Variants in GABBR2 observed in about 807,000 individuals in gnomAD.
GABBR2 encodes G-protein coupled receptor 51.
A neutral mutation model predicts 105.6 loss-of-function variants in GABBR2; 23 were observed. The observed-to-expected ratio is 0.22, with a 90% CI of 0.16 to 0.31. The LOEUF (loss-of-function observed/expected upper bound fraction) is 0.31, where lower values mean the gene tolerates loss of function less well. Among genes scored for constraint, GABBR2 ranks in the 10% least tolerant of loss-of-function variants. The pLI, the probability that GABBR2 is intolerant of heterozygous loss-of-function variation, is 1.00. For missense variants in GABBR2, 734 were observed against 1,245.5 expected (o/e 0.59, Z 6.18); for synonymous variants, 478 against 499.7 (o/e 0.96, Z 0.58).
At chr9:98,311,538 C>T (rs553998554) in intron 13 of GABBR2, among the ~76,000 whole-genome samples, 119 of 152,276 alleles carry the variant, frequency 7.8e-4, no homozygotes, top group Non-Finnish European at 6.5e-4. Context: ...ATGCAGGTAC[C>T]GCTAATATTT....
chr9:98,703,098 A>C (rs1452439908), intron 1 of GABBR2, among the ~76,000 whole-genome samples: 2 of 152,244 alleles, frequency 1.3e-5, no homozygotes. Context: ...ACTTTCGCTG[A>C]AACAGTTGGG....
At chr9:98,345,970 T>C (rs576418515) in intron 13 of GABBR2, among the ~76,000 whole-genome samples, 1 of 152,326 alleles carries the variant, frequency 6.6e-6, no homozygotes, top group East Asian at 1.9e-4. Flanking sequence ...TAACAAACAA[T>C]ATACATACTT....
At chr9:98,292,061 C>T (rs983318365) in intron 18 of GABBR2, among the ~76,000 whole-genome samples, 9 of 152,196 alleles carry the variant, frequency 5.9e-5, no homozygotes, top group South Asian at 2.1e-4. Context: ...AGGCTGCTTG[C>T]GGCAAATGTG....
chr9:98,345,455 T>C (rs1043943054), intron 13 of GABBR2, among the ~76,000 whole-genome samples: 2 of 152,228 alleles, frequency 1.3e-5, no homozygotes, highest in African/African-American at 4.8e-5. Context: ...AACTATTTCA[T>C]AGTGGCTTTT....
At chr9:98,463,595 C>T (rs1460551260) in intron 6 of GABBR2, among the ~76,000 whole-genome samples, 3 of 45,388 alleles carry the variant, frequency 6.6e-5, no homozygotes, top group African/African-American at 1.2e-4. Flanking sequence ...CTCGCCCTCT[C>T]GCTCTCCGTC....
chr9:98,471,718 G>A (rs1314156635), intron 6 of GABBR2, among the ~76,000 whole-genome samples: 2 of 152,068 alleles, frequency 1.3e-5, no homozygotes, highest in African/African-American at 4.8e-5. Context: ...CTGCTTTCAT[G>A]GATATTTTTT....
chr9:98,472,941 C>T (rs916495195), intron 6 of GABBR2, among the ~76,000 whole-genome samples: 1 of 152,000 alleles, frequency 6.6e-6, no homozygotes, highest in Non-Finnish European at 1.5e-5. Flanking sequence ...ATATCCTTAC[C>T]TCATTTGGGT....
intron 8 of GABBR2, among the ~76,000 whole-genome samples, chr9:98,397,986 G>T (rs1171921380): frequency 2.6e-5 from 4 of 152,206 alleles, no homozygotes; most frequent in Non-Finnish European, 4.4e-5. Context: ...GTCCAGCCAG[G>T]TGGTAGCCAT....
chr9:98,447,745 A>G (rs2131595262), intron 7 of GABBR2, among the ~76,000 whole-genome samples: 1 of 151,974 alleles, frequency 6.6e-6, no homozygotes, highest in Admixed American at 6.6e-5. Flanking sequence ...TACTTAGAGT[A>G]CTTGGAATTC....
chr9:98,434,987 TAGGCTGG>T (rs1172456077), intron 7 of GABBR2, among the ~76,000 whole-genome samples: 1 of 152,184 alleles, frequency 6.6e-6, no homozygotes, highest in Non-Finnish European at 1.5e-5. Context: ...TGTGTAGACC[TAGGCTGG>T]AGTGGGTTCT....
intron 11 of GABBR2, among the ~76,000 whole-genome samples, 164 bp from the exon 12 acceptor site, chr9:98,371,735 G>A (rs1257902848): frequency 6.6e-6 from 1 of 152,170 alleles, no homozygotes; most frequent in Non-Finnish European, 1.5e-5. Context: ...CCATTCAATA[G>A]GCATTTAGTT....
chr9:98,688,394 C>CATATATATATATATACATAT (rs1830645452), intron 1 of GABBR2, among the ~76,000 whole-genome samples: 1 of 140,462 alleles, frequency 7.1e-6, no homozygotes, highest in Admixed American at 7.0e-5. Context: ...TATGTGGTTT[C>CATATATATATATATACATAT]ATATATATAT....
intron 1 of GABBR2, among the ~76,000 whole-genome samples, chr9:98,672,273 A>G (rs1830416900): frequency 6.6e-6 from 1 of 151,970 alleles, no homozygotes; most frequent in South Asian, 2.1e-4. Context: ...GAATGTGACT[A>G]CTCAGGAAAT....
chr9:98,385,795 G>T, intron 10 of GABBR2, 23 bp from the exon 11 acceptor site: 1 of 1,592,918 alleles, frequency 6.3e-7, no homozygotes, highest in Non-Finnish European at 8.6e-7. Context: ...AGAGACAATA[G>T]ATTTAACAGA....
intron 3 of GABBR2, among the ~76,000 whole-genome samples, chr9:98,514,964 C>T (rs561878735): frequency 2.0e-5 from 3 of 152,138 alleles, no homozygotes; most frequent in African/African-American, 4.8e-5. Context: ...AGGGGACTGG[C>T]GTGGCACCTG....
intron 3 of GABBR2, among the ~76,000 whole-genome samples, chr9:98,507,740 G>A (rs1190880376): frequency 3.9e-5 from 6 of 152,070 alleles, no homozygotes; most frequent in Non-Finnish European, 8.8e-5. Flanking sequence ...CACAGTCCTG[G>A]GCTCAAGATC....
intron 2 of GABBR2, among the ~76,000 whole-genome samples, chr9:98,566,798 CAAAAAAAAAAAA>C (rs55752458): frequency 2.3e-5 from 2 of 88,206 alleles, no homozygotes; most frequent in South Asian, 4.5e-4. Context: ...AAGACACTGT[CAAAAAAAAAAAA>C]AAAAAAAAAA....
At chr9:98,688,386 T>C (rs1320336834) in intron 1 of GABBR2, among the ~76,000 whole-genome samples, 1 of 85,754 alleles carries the variant, frequency 1.2e-5, no homozygotes, top group Non-Finnish European at 2.3e-5. Context: ...AGAAATAATA[T>C]GTGGTTTCAT....
chr9:98,318,227 T>A (rs1264764832), intron 13 of GABBR2, among the ~76,000 whole-genome samples: 5 of 152,188 alleles, frequency 3.3e-5, no homozygotes, highest in Non-Finnish European at 5.9e-5. Flanking sequence ...GGGTGGGGCC[T>A]GGGATGCTGC....
Sources: gnomAD v4.1 joint callset for allele counts (sites outside exome capture counted in the v4.1 genomes callset) on GRCh38, gnomAD v4.1.1 for gene constraint, MANE v1.5 for transcripts, NCBI Gene and HGNC (gene_info 2026-07-23, HGNC 2026-07-21) for gene names.